Variants in TMEM132B observed in about 807,000 individuals in gnomAD.
TMEM132B encodes the protein transmembrane protein 132B.
A neutral mutation model predicts 90.8 loss-of-function variants in TMEM132B; 18 were observed. That is an observed-to-expected ratio of 0.20 (90% CI 0.14 to 0.29). TMEM132B has a LOEUF of 0.29. Ranked by LOEUF, TMEM132B falls within the 10% of genes least tolerant of loss-of-function variation. The probability of loss-of-function intolerance (pLI) is 1.00; values close to 1 mark genes in which losing one functional copy is unlikely to be tolerated. For missense variants in TMEM132B, 1,096 were observed against 1,326.8 expected (o/e 0.83, Z 2.70); for synonymous variants, 504 against 523.3 (o/e 0.96, Z 0.50).
At position 125,516,908 on chromosome 12, in the gene TMEM132B, A is replaced by G. The variant is rs552100982; in HGVS notation, c.1107-2531A>G. Among the ~76,000 whole-genome samples the G allele has an allele frequency of 3.3e-5, 5 of 152,298 alleles. No individual in the cohort carries two copies. The South Asian group carries it at 8.3e-4, about 25-fold the overall frequency. On this transcript the variant is annotated intron_variant, in intron 3 of 8. Transcript: ENST00000682704. Reference sequence around the variant, plus strand: ...TCGTAGGAGGTGACTTAACAGATGGATTCGTGGAGAATTTCTGTGACTAGT... The same window carrying G: ...TCGTAGGAGGTGACTTAACAGATGGGTTCGTGGAGAATTTCTGTGACTAGT...
chr12:125,571,120 G>A (rs536846359), intron 4 of TMEM132B, among the ~76,000 whole-genome samples: 1 of 152,346 alleles, frequency 6.6e-6, no homozygotes, highest in Admixed American at 6.5e-5. Context: ...AAATGCGATT[G>A]TTAGGTTTGT....
intron 1 of TMEM132B, among the ~76,000 whole-genome samples, chr12:125,228,686 A>T (rs189088309): frequency 6.6e-6 from 1 of 152,294 alleles, no homozygotes; most frequent in South Asian, 2.1e-4. Flanking sequence ...TCTCTGCAGC[A>T]GACGTCACTG....
intron 3 of TMEM132B, among the ~76,000 whole-genome samples, chr12:125,474,185 C>T (rs1209814095): frequency 6.6e-6 from 1 of 151,202 alleles, no homozygotes; most frequent in African/African-American, 2.4e-5. Context: ...TCTCTGACTG[C>T]TTTCCTGCCT....
chr12:125,484,476 C>A (rs1882149116), intron 3 of TMEM132B, among the ~76,000 whole-genome samples: 1 of 152,150 alleles, frequency 6.6e-6, no homozygotes, highest in Non-Finnish European at 1.5e-5. Flanking sequence ...CAGATGCTCC[C>A]TCCTGGGACT....
chr12:125,519,443 A>G lies in TMEM132B; in HGVS notation c.1111A>G (p.Asn371Asp). Reference protein sequence around the residue: ...GHRPDTQSRVNGSFYEILQVD... With the variant: ...GHRPDTQSRVDGSFYEILQVD... ...TAATATGTGTTTGTTTTCCAGGGTA[A>G]ATGGATCCTTCTATGAGATCTTGCA... is the stretch of plus-strand genomic sequence containing the variant. The change falls in exon 4 of 9, where the codon AAT becomes GAT. Residue 371 changes from asparagine to aspartate, a missense_variant. By Grantham distance (23) the Asn-to-Asp change is conservative. Coordinates refer to ENST00000682704, the MANE Select transcript of TMEM132B (RefSeq NM_001366854.1). 3.1e-6 allele frequency: 5 copies of G among 1,605,918 alleles called. No individual in the cohort carries two copies. The highest frequency in any genetic ancestry group is 1.7e-5 in the Admixed American group (1 of 58,742).
In TMEM132B at chr12:125,328,324, G is replaced by T. The variant is rs538956435; in HGVS notation, c.68-21128G>T. On this transcript the variant is annotated intron_variant, in intron 1 of 8. Coordinates refer to ENST00000682704, the MANE Select transcript of TMEM132B (RefSeq NM_001366854.1). ...ACCACACCCTTGCAGCTGCAGCAGG[G>T]TTCTGTGTTCTGCCCATGCTGTTTC... Among the ~76,000 whole-genome samples, 14 of 152,318 alleles carry T rather than the reference G, an allele frequency of 9.2e-5. No individual in the cohort carries two copies. In the South Asian group the frequency reaches 2.3e-3, roughly 25 times the overall value.
At chr12:125,446,503 C>T (rs1399681827) in intron 3 of TMEM132B, among the ~76,000 whole-genome samples, 3 of 152,098 alleles carry the variant, frequency 2.0e-5, no homozygotes, top group Non-Finnish European at 4.4e-5. Flanking sequence ...GGATTTGAAT[C>T]CTGGCTCTGT....
At chr12:125,522,704 T>G (rs1219586348) in intron 4 of TMEM132B, among the ~76,000 whole-genome samples, 1 of 152,086 alleles carries the variant, frequency 6.6e-6, no homozygotes, top group Non-Finnish European at 1.5e-5. Context: ...CACCATGAAC[T>G]GTAGGAGTGG....
intron 2 of TMEM132B, among the ~76,000 whole-genome samples, chr12:125,402,388 G>A (rs1484834570): frequency 6.6e-6 from 1 of 152,132 alleles, no homozygotes; most frequent in African/African-American, 2.4e-5. Context: ...CAGGGGCCAG[G>A]CTGGTCCTGA....
At chr12:125,292,447 G>C (rs1875566543) in intron 1 of TMEM132B, among the ~76,000 whole-genome samples, 1 of 152,194 alleles carries the variant, frequency 6.6e-6, no homozygotes. Flanking sequence ...GGTTGAGTTT[G>C]GTCATGAAAG....
chr12:125,620,825 CACTT>C (rs762679229), intron 5 of TMEM132B, among the ~76,000 whole-genome samples: 9 of 152,324 alleles, frequency 5.9e-5, no homozygotes, highest in Non-Finnish European at 1.0e-4. Context: ...TGTGAGAACT[CACTT>C]ACTATCACAA....
At chr12:125,414,263 A>C (rs966152484) in intron 2 of TMEM132B, among the ~76,000 whole-genome samples, 1 of 152,194 alleles carries the variant, frequency 6.6e-6, no homozygotes, top group African/African-American at 2.4e-5. Flanking sequence ...GACAATTTGC[A>C]TATATTTTCT....
intron 1 of TMEM132B, among the ~76,000 whole-genome samples, chr12:125,348,753 G>T (rs898418591): frequency 3.9e-5 from 6 of 152,182 alleles, no homozygotes; most frequent in South Asian, 2.1e-4. Context: ...CTTGGTGAAG[G>T]TTGCTCAGTT....
intron 4 of TMEM132B, among the ~76,000 whole-genome samples, chr12:125,539,968 C>T (rs1455526198): frequency 6.6e-6 from 1 of 152,078 alleles, no homozygotes; most frequent in Non-Finnish European, 1.5e-5. Flanking sequence ...CCCCTATAGA[C>T]ATTTAGTGCT....
intron 5 of TMEM132B, among the ~76,000 whole-genome samples, chr12:125,623,968 C>T (rs150829605): frequency 3.0e-4 from 45 of 152,294 alleles, no homozygotes; most frequent in African/African-American, 9.9e-4. Context: ...TAAGATTCTA[C>T]GATGGAAGTG....
At chr12:125,313,539 TC>T (rs1166999019) in intron 1 of TMEM132B, among the ~76,000 whole-genome samples, 11 of 50,194 alleles carry the variant, frequency 2.2e-4, no homozygotes, top group East Asian at 7.3e-4. Flanking sequence ...CCCTCCCATT[TC>T]CCCCTCCCCT....
chr12:125,509,364 C>G (rs533345712), intron 3 of TMEM132B, among the ~76,000 whole-genome samples: 1 of 152,184 alleles, frequency 6.6e-6, no homozygotes, highest in Non-Finnish European at 1.5e-5. Flanking sequence ...GAGGATTATC[C>G]TTGCTGGTCC....
chr12:125,569,490 G>T (rs1884739317), intron 4 of TMEM132B, among the ~76,000 whole-genome samples: 1 of 152,106 alleles, frequency 6.6e-6, no homozygotes, highest in Non-Finnish European at 1.5e-5. Context: ...TGAAACATTT[G>T]TGCAGCTGAG....
intron 1 of TMEM132B, among the ~76,000 whole-genome samples, chr12:125,316,189 A>G (rs1355157124): frequency 1.3e-5 from 2 of 152,174 alleles, no homozygotes; most frequent in African/African-American, 4.8e-5. Flanking sequence ...CCTCCCCATC[A>G]AGTCCATCCT....
Sources: allele counts gnomAD v4.1 joint callset (sites outside exome capture counted in the v4.1 genomes callset), GRCh38; gene constraint gnomAD v4.1.1; transcripts MANE v1.5; gene names NCBI Gene and HGNC (gene_info 2026-07-23, HGNC 2026-07-21).